ADAM12: variants seen among roughly 807,000 people sequenced by gnomAD.
The protein encoded by ADAM12 is disintegrin and metalloproteinase domain-containing protein 12.
Under a neutral mutation model 106.4 loss-of-function variants are expected in ADAM12, and 70 were observed. That is an observed-to-expected ratio of 0.66 (90% CI 0.54 to 0.80). The LOEUF (loss-of-function observed/expected upper bound fraction) is 0.80. ADAM12 is among the 30% of genes least tolerant of loss of function. The pLI, the probability that ADAM12 is intolerant of heterozygous loss-of-function variation, is 0.00. For synonymous variants in ADAM12, 420 were observed against 433.5 expected (o/e 0.97, Z 0.39); for missense variants, 1,010 against 1,171.9 (o/e 0.86, Z 2.02).
At chr10:126,033,591 AG>A (rs1954007413) in intron 21 of ADAM12, among the ~76,000 whole-genome samples, 1 of 152,176 alleles carries the variant, frequency 6.6e-6, no homozygotes, top group South Asian at 2.1e-4. Context: ...CCAGAAACAC[AG>A]AAGTGTTTTG....
chr10:126,343,363 A>C (rs1215897576), intron 1 of ADAM12, among the ~76,000 whole-genome samples: 1 of 152,054 alleles, frequency 6.6e-6, no homozygotes, highest in East Asian at 1.9e-4. Flanking sequence ...TCAACTCATC[A>C]TTTTTTATGG....
chr10:126,209,578 A>AT (rs1957862111), intron 3 of ADAM12, among the ~76,000 whole-genome samples: 5 of 152,188 alleles, frequency 3.3e-5, no homozygotes, highest in Non-Finnish European at 2.9e-5. Context: ...CAGGAGTCAG[A>AT]TTTTACAAAC....
At chr10:126,246,968 T>C (rs1003479018) in intron 3 of ADAM12, among the ~76,000 whole-genome samples, 3 of 152,230 alleles carry the variant, frequency 2.0e-5, no homozygotes, top group African/African-American at 7.2e-5. Context: ...AACATGATTC[T>C]ATATCTATTT....
intron 3 of ADAM12, among the ~76,000 whole-genome samples, chr10:126,268,337 A>G (rs1959140853): frequency 6.6e-6 from 1 of 152,178 alleles, no homozygotes; most frequent in African/African-American, 2.4e-5. Context: ...ATAAAATTTC[A>G]TTTTACGTAT....
intron 3 of ADAM12, among the ~76,000 whole-genome samples, chr10:126,161,923 G>C (rs1956942837): frequency 6.6e-6 from 1 of 152,166 alleles, no homozygotes; most frequent in Admixed American, 6.5e-5. Flanking sequence ...CTTTTTCTCT[G>C]CTTATTAGAT....
At chr10:126,041,640 A>C in intron 18 of ADAM12, 1 of 987,920 alleles carries the variant, frequency 1.0e-6, no homozygotes, top group Non-Finnish European at 1.2e-6. Flanking sequence ...TTAAAAACTA[A>C]AACCCTGCTA....
chr10:126,282,750 TG>T (rs1959646467), intron 2 of ADAM12, among the ~76,000 whole-genome samples: 1 of 152,142 alleles, frequency 6.6e-6, no homozygotes, highest in African/African-American at 2.4e-5. Flanking sequence ...CAACCCTTTT[TG>T]CTCTTAAAAT....
chr10:126,210,358 C>T (rs1359926109), intron 3 of ADAM12, among the ~76,000 whole-genome samples: 1 of 152,178 alleles, frequency 6.6e-6, no homozygotes, highest in African/African-American at 2.4e-5. Context: ...AGAGAGACAG[C>T]CCCTACAGCA....
chr10:126,254,972 T>C (rs765400165), intron 3 of ADAM12, among the ~76,000 whole-genome samples: 12 of 152,196 alleles, frequency 7.9e-5, no homozygotes, highest in Non-Finnish European at 1.6e-4. Context: ...AAGTCTCATG[T>C]TCTGGCCATA....
In ADAM12 at chr10:126,071,554, T is replaced by C. The variant is rs777650064; in HGVS notation, c.1246A>G (p.Arg416Gly). The change falls in exon 12 of 23, where the codon AGG (arginine) becomes GGG (glycine). Residue 416 changes from arginine (R) to glycine (G), a missense_variant. Coordinates refer to ENST00000448723, the MANE Select transcript of ADAM12 (RefSeq NM_001288973.2). ...GVCLFNLPEV[R>G]ESFGGQKCGN... ...CACTTCTGGCCCCCGAAAGACTCCCTGACTTCCGGCAGGTTAAACAGGCAC... is the reference window on the plus strand; with the variant it reads ...CACTTCTGGCCCCCGAAAGACTCCCCGACTTCCGGCAGGTTAAACAGGCAC... 6.2e-7 allele frequency: 1 copy of C among 1,614,184 alleles called. No homozygotes were observed. Among genetic ancestry groups the C allele is most frequent in the South Asian group, 1.1e-5 (1 of 91,074 alleles).
intron 8 of ADAM12, 58 bp downstream of exon 8, chr10:126,108,535 A>G: frequency 6.6e-7 from 1 of 1,518,928 alleles, no homozygotes; most frequent in Non-Finnish European, 9.1e-7. Context: ...AGGTCCCCCA[A>G]CCTCATTTCC....
intron 21 of ADAM12, among the ~76,000 whole-genome samples, chr10:126,025,383 C>T (rs982759996): frequency 2.0e-5 from 3 of 152,094 alleles, no homozygotes; most frequent in Admixed American, 6.5e-5. Context: ...ACACACTATA[C>T]GAACTTCACA....
intron 3 of ADAM12, among the ~76,000 whole-genome samples, chr10:126,224,019 T>C (rs1454889774): frequency 6.6e-6 from 1 of 152,190 alleles, no homozygotes; most frequent in Non-Finnish European, 1.5e-5. Flanking sequence ...AACCCGGCAC[T>C]GTCCTCTCAG....
intron 11 of ADAM12, among the ~76,000 whole-genome samples, chr10:126,092,753 C>T (rs983435414): frequency 2.0e-5 from 3 of 152,074 alleles, no homozygotes; most frequent in Admixed American, 6.6e-5. Flanking sequence ...CAAATGGGGG[C>T]GATGAACATG....
chr10:126,155,003 C>T (rs1956786889), intron 4 of ADAM12, among the ~76,000 whole-genome samples: 1 of 152,132 alleles, frequency 6.6e-6, no homozygotes, highest in Non-Finnish European at 1.5e-5. Context: ...TTCAGCTCTG[C>T]CATAAAGCCA....
intron 2 of ADAM12, among the ~76,000 whole-genome samples, chr10:126,309,759 T>C (rs1039299079): frequency 1.3e-5 from 2 of 152,074 alleles, no homozygotes; most frequent in Admixed American, 6.5e-5. Flanking sequence ...GAGAGAATAG[T>C]TAAATAATCA....
chr10:126,373,038 C>T (rs573905050), intron 1 of ADAM12, among the ~76,000 whole-genome samples: 106 of 152,236 alleles, frequency 7.0e-4, no homozygotes, highest in Middle Eastern at 3.4e-3. Context: ...GCAAATCAGG[C>T]GTCTGATTTT....
chr10:126,367,232 TAATAA>T (rs1478982965), intron 1 of ADAM12, among the ~76,000 whole-genome samples: 3 of 152,032 alleles, frequency 2.0e-5, no homozygotes, highest in South Asian at 4.1e-4. Flanking sequence ...AATCTGATTA[TAATAA>T]AATAAAATTA....
intron 4 of ADAM12, among the ~76,000 whole-genome samples, chr10:126,140,866 G>A (rs1170883567): frequency 1.3e-5 from 2 of 152,154 alleles, no homozygotes; most frequent in African/African-American, 4.8e-5. Flanking sequence ...GGGAGTGGAG[G>A]AGATGCAGTC....
Sources: gnomAD v4.1 joint callset for allele counts (sites outside exome capture counted in the v4.1 genomes callset) on GRCh38, gnomAD v4.1.1 for gene constraint, MANE v1.5 for transcripts, NCBI Gene and HGNC (gene_info 2026-07-23, HGNC 2026-07-21) for gene names.